The following RFTN2 variants were observed in gnomAD, a reference collection of about 807,000 sequenced individuals.
RFTN2 encodes raftlin-2.
A neutral mutation model predicts 52.7 loss-of-function variants in RFTN2; 34 were observed. The observed-to-expected ratio is 0.64, with a 90% CI of 0.49 to 0.86. The LOEUF (loss-of-function observed/expected upper bound fraction) is 0.86, where lower values mean the gene tolerates loss of function less well. Ranked by LOEUF, RFTN2 falls within the 40% of genes least tolerant of loss-of-function variation. RFTN2 has a pLI of 0.00. For missense variants in RFTN2, 536 were observed against 600.1 expected (o/e 0.89, Z 1.12); for synonymous variants, 203 against 217.7 (o/e 0.93, Z 0.59).
intron 1 of RFTN2, among the ~76,000 whole-genome samples, chr2:197,651,344 C>T (rs1037513589): frequency 6.6e-6 from 1 of 152,148 alleles, no homozygotes; most frequent in Non-Finnish European, 1.5e-5. Flanking sequence ...TCAGGCCAGG[C>T]GCAGTGGCTC....
At chr2:197,620,753 G>C (rs1310343575) in intron 5 of RFTN2, among the ~76,000 whole-genome samples, 1 of 152,162 alleles carries the variant, frequency 6.6e-6, no homozygotes, top group Non-Finnish European at 1.5e-5. Context: ...GATCACCTGC[G>C]GTAGGGAGTT....
intron 3 of RFTN2, among the ~76,000 whole-genome samples, chr2:197,642,878 C>G (rs971823039): frequency 6.6e-6 from 1 of 152,094 alleles, no homozygotes; most frequent in African/African-American, 2.4e-5. Flanking sequence ...ACCAGGGTGG[C>G]TAAGGCAGGA....
At chr2:197,674,822 CTTATAG>C (rs1285738445) in intron 1 of RFTN2, among the ~76,000 whole-genome samples, 1 of 150,846 alleles carries the variant, frequency 6.6e-6, no homozygotes, top group Admixed American at 6.6e-5. Context: ...ATTTTCAAAA[CTTATAG>C]TTTAGTTTGG....
At chr2:197,586,701 A>G (rs1239075493) in intron 8 of RFTN2, among the ~76,000 whole-genome samples, 1 of 152,188 alleles carries the variant, frequency 6.6e-6, no homozygotes, top group Non-Finnish European at 1.5e-5. Context: ...AACCTCTGTC[A>G]TGACCTTTCG....
At chr2:197,614,000 C>T (rs969699383) in intron 7 of RFTN2, among the ~76,000 whole-genome samples, 5 of 152,216 alleles carry the variant, frequency 3.3e-5, no homozygotes, top group Non-Finnish European at 4.4e-5. Context: ...TCCCATCCAA[C>T]TTTGACAGTT....
At chr2:197,577,445 G>A (rs1418928478) in intron 8 of RFTN2, among the ~76,000 whole-genome samples, 1 of 152,128 alleles carries the variant, frequency 6.6e-6, no homozygotes, top group African/African-American at 2.4e-5. Context: ...TTCTTTTCCT[G>A]TTTATTCCTA....
At chr2:197,616,132 T>C (rs1032843800) in intron 6 of RFTN2, among the ~76,000 whole-genome samples, 153 bp from the exon 7 acceptor site, 5 of 152,196 alleles carry the variant, frequency 3.3e-5, no homozygotes, top group Admixed American at 2.6e-4. Flanking sequence ...TTCCTTCTGA[T>C]AATTGAACCA....
intron 8 of RFTN2, among the ~76,000 whole-genome samples, chr2:197,587,507 C>T (rs2087620397): frequency 6.6e-6 from 1 of 152,010 alleles, no homozygotes; most frequent in African/African-American, 2.4e-5. Flanking sequence ...GAAGTTCCCC[C>T]ACTGAGCACC....
rs2087305902 is a variant in RFTN2 at position 197,570,914 on chromosome 2, A to C, written c.*1094T>G. 1 of 152,286 alleles carries C rather than the reference A, an allele frequency of 6.6e-6. No individual in the cohort carries two copies. Among genetic ancestry groups the C allele is most frequent in the Non-Finnish European group, 1.5e-5 (1 of 68,042 alleles). The allele number at this position is 152,286 out of a possible 1,614,324, so 9.4% of individuals were successfully genotyped here. ...ATAGAATAAGTTGTAATTCACTTGG[A>C]GGTTCCATCTTTCAAAGTAAGCCTT... On this transcript the variant is annotated 3_prime_UTR_variant, in exon 9 of 9. Coordinates refer to ENST00000295049, the MANE Select transcript of RFTN2 (RefSeq NM_144629.3).
chr2:197,603,258 C>T (rs2106195584), intron 7 of RFTN2, among the ~76,000 whole-genome samples: 1 of 152,250 alleles, frequency 6.6e-6, no homozygotes, highest in South Asian at 2.1e-4. Flanking sequence ...TTCCTTTCTA[C>T]ACTAACTTCA....
At chr2:197,638,657 G>A (rs1275150098) in intron 3 of RFTN2, among the ~76,000 whole-genome samples, 2 of 149,058 alleles carry the variant, frequency 1.3e-5, no homozygotes, top group Admixed American at 6.8e-5. Context: ...TGTGTTTCCT[G>A]AATACAGCAC....
Position 197,631,219 on chromosome 2 carries a change from G to A in RFTN2, c.720C>T (p.Ala240=). Residue 240 remains alanine (A), a splice_region_variant and synonymous_variant, in exon 5 of 9, where the codon GCC becomes GCT. Coordinates refer to ENST00000295049, the MANE Select transcript of RFTN2 (RefSeq NM_144629.3). ...AGACTGTATACAATTTGTTATCTGA[G>A]GCTAGGCATTCAGAAGGAGAAAAAA... ...PTSSKSRKGE[A]SDNKLYTVFN... The A allele has an allele frequency of 6.2e-7, 1 of 1,603,006 alleles. No individual in the cohort carries two copies. Among genetic ancestry groups the A allele is most frequent in the Non-Finnish European group, 8.5e-7 (1 of 1,175,678 alleles).
At position 197,571,806 on chromosome 2, in the gene RFTN2, A is replaced by C; in HGVS notation, c.*202T>G. The C allele has an allele frequency of 1.7e-6, 1 of 587,336 alleles. No individual in the cohort carries two copies. Among genetic ancestry groups the C allele is most frequent in the African/African-American group, 1.9e-5 (1 of 53,796 alleles). 36.4% of individuals were successfully genotyped at this position (587,336 alleles called of 1,614,324 possible). A position where few individuals can be genotyped will look rare whatever the true frequency, so the allele number is the denominator to read the frequency against. ...AGATGTTTTAGTTGAGAGAAGTGTA[A>C]ACATGATTCTAAATGTATAAATATG... On this transcript the variant is annotated 3_prime_UTR_variant, in exon 9 of 9. Transcript: ENST00000295049.
chr2:197,633,593 T>C (rs1040831642), intron 4 of RFTN2, 125 bp downstream of exon 4: 2 of 774,954 alleles, frequency 2.6e-6, no homozygotes, highest in Non-Finnish European at 4.1e-6. Flanking sequence ...ATGAGGTTTT[T>C]ATTAGTTCAT....
chr2:197,604,705 T>C (rs1472362119), intron 7 of RFTN2, among the ~76,000 whole-genome samples: 1 of 152,228 alleles, frequency 6.6e-6, no homozygotes, highest in African/African-American at 2.4e-5. Context: ...CAGGTCTTTG[T>C]GCATAATTAT....
chr2:197,630,146 T>C (rs1260435961), intron 5 of RFTN2, among the ~76,000 whole-genome samples: 1 of 152,230 alleles, frequency 6.6e-6, no homozygotes, highest in African/African-American at 2.4e-5. Flanking sequence ...AAAGGGCCTA[T>C]TGGAACATGA....
intron 7 of RFTN2, 131 bp from the exon 8 acceptor site, chr2:197,596,200 T>C (rs2087792380): frequency 2.1e-6 from 1 of 472,638 alleles, no homozygotes; most frequent in Non-Finnish European, 3.7e-6. Flanking sequence ...AATATAAATC[T>C]TTTTTTTCTT....
chr2:197,587,493 C>T (rs1054497052), intron 8 of RFTN2, among the ~76,000 whole-genome samples: 8 of 152,060 alleles, frequency 5.3e-5, no homozygotes, highest in African/African-American at 1.9e-4. Flanking sequence ...CTTCTCCTGG[C>T]TCAGAAGTTC....
At chr2:197,582,615 C>A (rs550803977) in intron 8 of RFTN2, among the ~76,000 whole-genome samples, 1 of 152,230 alleles carries the variant, frequency 6.6e-6, no homozygotes, top group Admixed American at 6.5e-5. Context: ...CAAGCCCTCA[C>A]TCTTGCAAAG....
Sources: allele counts gnomAD v4.1 joint callset (sites outside exome capture counted in the v4.1 genomes callset), GRCh38; gene constraint gnomAD v4.1.1; transcripts MANE v1.5; gene names NCBI Gene and HGNC (gene_info 2026-07-23, HGNC 2026-07-21).